ALDH18A1: variants seen among roughly 807,000 people sequenced by gnomAD.
ALDH18A1 encodes delta-1-pyrroline-5-carboxylate synthase.
Under a neutral mutation model 88.8 loss-of-function variants are expected in ALDH18A1, and 44 were observed. The ratio of observed to expected loss-of-function variants is 0.50; its 90% CI spans 0.39 to 0.64. ALDH18A1 has a LOEUF of 0.64. Ranked by LOEUF, ALDH18A1 falls within the 30% of genes least tolerant of loss-of-function variation. ALDH18A1 has a pLI of 0.00. For synonymous variants in ALDH18A1, 331 were observed against 372.1 expected (o/e 0.89, Z 1.27); for missense variants, 782 against 1,009.5 (o/e 0.77, Z 3.05).
chr10:95,647,308 C>T (rs1055533746), intron 2 of ALDH18A1, among the ~76,000 whole-genome samples: 4 of 152,348 alleles, frequency 2.6e-5, no homozygotes, highest in African/African-American at 9.6e-5. Context: ...TGGAGCCAGA[C>T]TGCCTGAGTG....
chr10:95,653,226 C>T, intron 2 of ALDH18A1, 64 bp downstream of exon 2: 2 of 1,405,458 alleles, frequency 1.4e-6, no homozygotes, highest in Non-Finnish European at 2.0e-6. Context: ...CTTTGAAAAC[C>T]TTGTTGAAAC....
At chr10:95,635,255 T>C (rs796490764) in intron 5 of ALDH18A1, among the ~76,000 whole-genome samples, 2 of 152,238 alleles carry the variant, frequency 1.3e-5, no homozygotes, top group African/African-American at 4.8e-5. Context: ...ATATAGATTC[T>C]AGTCACGATG....
intron 15 of ALDH18A1, among the ~76,000 whole-genome samples, chr10:95,611,693 C>T (rs948138126): frequency 4.6e-5 from 7 of 152,084 alleles, no homozygotes; most frequent in African/African-American, 1.4e-4. Context: ...CAAGGTGGGC[C>T]GGGCATGGTG....
chr10:95,625,229 A>G (rs2097858617), intron 11 of ALDH18A1, 133 bp downstream of exon 11: 1 of 834,818 alleles, frequency 1.2e-6, no homozygotes, highest in African/African-American at 1.7e-5. Context: ...CCTCAATAGA[A>G]ATGATACATA....
intron 3 of ALDH18A1, among the ~76,000 whole-genome samples, chr10:95,641,512 TGCAGGGGC>T: frequency 4.1e-5 from 1 of 24,362 alleles, no homozygotes; most frequent in Non-Finnish European, 7.2e-5. Context: ...TTTTTTTTTC[TGCAGGGGC>T]GGGTGGGGGG....
At chr10:95,633,125 A>C (rs1400202231) in intron 6 of ALDH18A1, 76 bp from the exon 7 acceptor site, 1 of 1,381,052 alleles carries the variant, frequency 7.2e-7, no homozygotes, top group East Asian at 2.3e-5. Flanking sequence ...AACACAGCCA[A>C]GCTCAGGCAA....
chr10:95,639,874 T>C (rs1236602789), intron 3 of ALDH18A1, among the ~76,000 whole-genome samples: 1 of 152,084 alleles, frequency 6.6e-6, no homozygotes, highest in Non-Finnish European at 1.5e-5. Flanking sequence ...CTTATGGTAT[T>C]AATACTGCTC....
rs2139526340 is a variant in ALDH18A1, at chr10:95,610,273, G to GA, written c.2129dup (p.Leu711ProfsTer19). On this transcript the variant is annotated frameshift_variant, in exon 17 of 18. Transcript: ENST00000371224. LOFTEE classifies it high-confidence loss of function. The stretch of plus-strand genomic sequence containing the variant: ...CACAGGCACTGTCTACGTGCTGCAG[G>GA]AAGAACTCCGCTGTGTTTTCTGCAG... The GA allele has an allele frequency of 6.2e-7, 1 of 1,614,096 alleles. No individual in the cohort carries two copies. Among genetic ancestry groups the GA allele is most frequent in the East Asian group, 2.2e-5 (1 of 44,870 alleles).
chr10:95,642,451 C>T (rs780030308), intron 3 of ALDH18A1, among the ~76,000 whole-genome samples: 1 of 152,064 alleles, frequency 6.6e-6, no homozygotes, highest in Non-Finnish European at 1.5e-5. Flanking sequence ...CCTGTCTCTA[C>T]GAAAAATACA....
At chr10:95,607,471 C>T (rs142668173) in intron 17 of ALDH18A1, among the ~76,000 whole-genome samples, 10 of 152,210 alleles carry the variant, frequency 6.6e-5, no homozygotes, top group Non-Finnish European at 1.2e-4. Flanking sequence ...ACCTAGGGAA[C>T]GTCAGGGGTT....
intron 12 of ALDH18A1, among the ~76,000 whole-genome samples, chr10:95,618,858 C>A (rs1440738340): frequency 6.6e-6 from 1 of 152,098 alleles, no homozygotes; most frequent in Non-Finnish European, 1.5e-5. Flanking sequence ...GGGTTCCAGT[C>A]CCAGTTGCAC....
Position 95,642,898 on chromosome 10 carries a change from A to G in ALDH18A1, c.303+94T>C, listed in dbSNP as rs2097894453. ...AATCTACTGCACTGAAATCACAATTATTTTTTTAAGTTGATGAGCAACTTA... is the reference window on the plus strand; with the variant it reads ...AATCTACTGCACTGAAATCACAATTGTTTTTTTAAGTTGATGAGCAACTTA... On this transcript the variant is annotated intron_variant, in intron 3 of 17. Coordinates refer to ENST00000371224, the MANE Select transcript of ALDH18A1 (RefSeq NM_002860.4). The G allele has an allele frequency of 2.3e-6, 3 of 1,293,294 alleles. No homozygotes were observed. In the African/African-American group the frequency reaches 4.4e-5, roughly 19 times the overall value. 80.1% of individuals were successfully genotyped at this position (1,293,294 alleles called of 1,614,324 possible).
intron 2 of ALDH18A1, among the ~76,000 whole-genome samples, chr10:95,649,327 G>A (rs2097906268): frequency 6.6e-6 from 1 of 151,304 alleles, no homozygotes; most frequent in Admixed American, 6.6e-5. Context: ...ACCAGCCAGA[G>A]CAACATAGAC....
intron 9 of ALDH18A1, among the ~76,000 whole-genome samples, chr10:95,627,149 A>T (rs574930240): frequency 6.6e-6 from 1 of 151,942 alleles, no homozygotes; most frequent in South Asian, 2.1e-4. Flanking sequence ...TATCATATGC[A>T]TCTTTGCATC....
At chr10:95,626,962 C>T (rs1447152321) in intron 9 of ALDH18A1, among the ~76,000 whole-genome samples, 186 bp from the exon 10 acceptor site, 1 of 152,132 alleles carries the variant, frequency 6.6e-6, no homozygotes, top group Non-Finnish European at 1.5e-5. Context: ...AAGAATGTGC[C>T]AGATTCACTC....
At chr10:95,643,594 A>G (rs1837574412) in intron 2 of ALDH18A1, among the ~76,000 whole-genome samples, 1 of 152,252 alleles carries the variant, frequency 6.6e-6, no homozygotes, top group Non-Finnish European at 1.5e-5. Context: ...TGTTGGATAA[A>G]GGGAAAAAGA....
intron 15 of ALDH18A1, among the ~76,000 whole-genome samples, chr10:95,612,906 C>A (rs1227787726): frequency 2.0e-5 from 3 of 152,188 alleles, no homozygotes; most frequent in East Asian, 1.9e-4. Context: ...TAAAACAATT[C>A]TTTCCAGTTC....
At chr10:95,656,233 C>T (rs369219120) in intron 1 of ALDH18A1, among the ~76,000 whole-genome samples, 7 of 152,328 alleles carry the variant, frequency 4.6e-5, no homozygotes, top group African/African-American at 1.7e-4. Flanking sequence ...GCTCCATACT[C>T]TTGGAAAGAA....
intron 5 of ALDH18A1, among the ~76,000 whole-genome samples, chr10:95,634,633 AG>A (rs1378968374): frequency 6.6e-6 from 1 of 152,180 alleles, no homozygotes; most frequent in Non-Finnish European, 1.5e-5. Flanking sequence ...ACAAGCTGAA[AG>A]GGGGGCAGAA....
Sources: allele counts gnomAD v4.1 joint callset (sites outside exome capture counted in the v4.1 genomes callset), GRCh38; gene constraint gnomAD v4.1.1; transcripts MANE v1.5; gene names NCBI Gene and HGNC (gene_info 2026-07-23, HGNC 2026-07-21).